ACTL6A: variants seen among roughly 807,000 people sequenced by gnomAD.
ACTL6A encodes actin-like protein 6A.
A neutral mutation model predicts 59.2 loss-of-function variants in ACTL6A; 5 were observed. The ratio of observed to expected loss-of-function variants is 0.08; its 90% CI spans 0.04 to 0.18. The LOEUF (loss-of-function observed/expected upper bound fraction) is 0.18, where lower values mean the gene tolerates loss of function less well. ACTL6A is among the 10% of genes least tolerant of loss of function. ACTL6A has a pLI of 1.00. For synonymous variants in ACTL6A, 154 were observed against 171.8 expected (o/e 0.90, Z 0.81); for missense variants, 285 against 526.9 (o/e 0.54, Z 4.49).
At chr3:179,566,857 T>C (rs1560009234) in intron 1 of ACTL6A, among the ~76,000 whole-genome samples, 1 of 152,098 alleles carries the variant, frequency 6.6e-6, no homozygotes, top group East Asian at 1.9e-4. Flanking sequence ...GCCCGGCTAA[T>C]TTTTTGTATT....
intron 1 of ACTL6A, among the ~76,000 whole-genome samples, chr3:179,565,496 T>G (rs1717808399): frequency 6.7e-6 from 1 of 149,718 alleles, no homozygotes; most frequent in African/African-American, 2.4e-5. Flanking sequence ...ATATGTTATA[T>G]ATGTCCTATA....
At chr3:179,575,418 A>C (rs760708018) in intron 5 of ACTL6A, 7 of 456,542 alleles carry the variant, frequency 1.5e-5, no homozygotes. Flanking sequence ...TTCATCATCT[A>C]CTTCACTAAA....
chr3:179,576,923 C>T lies in ACTL6A; in HGVS notation c.768+10C>T. 6.3e-7 allele frequency: 1 copy of T among 1,598,350 alleles called. No homozygotes were observed. The highest frequency in any genetic ancestry group is 8.5e-7 in the Non-Finnish European group (1 of 1,172,860). The stretch of plus-strand genomic sequence containing the variant: ...CAATTATATGTGTAATGTAAGTAAC[C>T]CTCATTCTCTTTACAAAAATGTTAC... On this transcript the variant is annotated intron_variant, in intron 8 of 13. Coordinates refer to ENST00000429709, the MANE Select transcript of ACTL6A (RefSeq NM_004301.5).
At chr3:179,576,516 A>G in intron 6 of ACTL6A, 104 bp from the exon 7 acceptor site, 1 of 945,180 alleles carries the variant, frequency 1.1e-6, no homozygotes, top group East Asian at 2.4e-5. Context: ...AGTTCAGTTC[A>G]TTCTACCTGA....
intron 8 of ACTL6A, among the ~76,000 whole-genome samples, chr3:179,577,463 T>C (rs1576854516): frequency 1.3e-5 from 2 of 151,962 alleles, no homozygotes; most frequent in Non-Finnish European, 2.9e-5. Context: ...ATGCCACAGA[T>C]ACGCCTTAAT....
At chr3:179,567,937 G>A (rs12696481) in intron 1 of ACTL6A, among the ~76,000 whole-genome samples, 65,586 of 151,954 alleles carry the variant, frequency 0.43, 16,594 homozygotes, top group East Asian at 0.64. Flanking sequence ...ACTTTGAGAG[G>A]CCAAGGCGGG....
At chr3:179,571,968 T>C (rs1718022579) in intron 3 of ACTL6A, among the ~76,000 whole-genome samples, 1 of 134,064 alleles carries the variant, frequency 7.5e-6, no homozygotes, top group Non-Finnish European at 1.6e-5. Flanking sequence ...TTTCTCAGGC[T>C]TGCAGTGTTA....
At chr3:179,563,321 C>T (rs1039619215) in intron 1 of ACTL6A, among the ~76,000 whole-genome samples, 1 of 149,042 alleles carries the variant, frequency 6.7e-6, no homozygotes, top group Non-Finnish European at 1.5e-5. Context: ...CCTGAAGTGG[C>T]GGCTCTCTGT....
At position 179,563,060 on chromosome 3, in the gene ACTL6A, G is replaced by A; in HGVS notation, c.-33G>A. The A allele has an allele frequency of 6.2e-7, 1 of 1,609,692 alleles. No individual in the cohort carries two copies. Among genetic ancestry groups the A allele is most frequent in the Non-Finnish European group, 8.5e-7 (1 of 1,179,338 alleles). ...GCCACTGCAGTCACTTCGCCAGTTA[G>A]CCCTTAGGGTAGGAGTCGCGCCGGC... On this transcript the variant is annotated 5_prime_UTR_variant, in exon 1 of 14. Transcript: ENST00000429709.
In ACTL6A at chr3:179,563,080, G is replaced by T; in HGVS notation, c.-13G>T. 6.2e-7 allele frequency: 1 copy of T among 1,611,228 alleles called. No individual in the cohort carries two copies. On this transcript the variant is annotated 5_prime_UTR_variant, in exon 1 of 14. Coordinates refer to ENST00000429709, the MANE Select transcript of ACTL6A (RefSeq NM_004301.5). ...AGTTAGCCCTTAGGGTAGGAGTCGC[G>T]CCGGCAGCAGCCATGAGCGGCGGCG...
At position 179,580,958 on chromosome 3, in the gene ACTL6A, G is replaced by A; in HGVS notation, c.895G>A (p.Ala299Thr). The A allele has an allele frequency of 6.3e-7, 1 of 1,586,194 alleles. No homozygotes were observed. The highest frequency in any genetic ancestry group is 8.5e-7 in the Non-Finnish European group (1 of 1,173,706). ...CAATGGCTACAATTGTGATTTTGGT[G>A]CAGAGCGGCTAAAGATTCCAGAAGG... ...FPNGYNCDFGAERLKIPEGLF... is the reference protein window; with the variant it reads ...FPNGYNCDFGTERLKIPEGLF... Residue 299 changes from alanine to threonine, a missense_variant, in exon 10 of 14, where the codon GCA (alanine) becomes ACA (threonine). Physicochemically the swap from Ala to Thr is moderately conservative, Grantham distance 58 (BLOSUM62 0). Coordinates refer to ENST00000429709, the MANE Select transcript of ACTL6A (RefSeq NM_004301.5).
chr3:179,571,164 A>T (rs1157998839), intron 3 of ACTL6A, among the ~76,000 whole-genome samples: 1 of 152,128 alleles, frequency 6.6e-6, no homozygotes, highest in East Asian at 1.9e-4. Context: ...CGCCTATATA[A>T]TCCCAGCACT....
intron 1 of ACTL6A, among the ~76,000 whole-genome samples, chr3:179,567,492 C>T (rs1266722226): frequency 6.6e-6 from 1 of 152,218 alleles, no homozygotes. Context: ...CAGTCCACAA[C>T]ACTGTCATAA....
rs1330517115 is a variant in ACTL6A at position 179,570,259 on chromosome 3, T to C, written c.277+18T>C. 3.1e-6 allele frequency: 5 copies of C among 1,602,570 alleles called. No individual in the cohort carries two copies. The African/African-American group carries it at 4.0e-5, about 13-fold the overall frequency. On this transcript the variant is annotated intron_variant, in intron 3 of 13. Transcript: ENST00000429709. This position sits in a 1 kb window ranked among gnomAD's most constrained non-coding sequence, Gnocchi z 4.3. ...TGGGATGGGTATGATGTTTTCCCCA[T>C]GGAATTGATTATGGAGTGTACATGT...
Position 179,576,821 on chromosome 3 carries a change from C to G in ACTL6A, c.679-3C>G. On this transcript the variant is annotated splice_region_variant and splice_polypyrimidine_tract_variant and intron_variant, in intron 7 of 13. Coordinates refer to ENST00000429709, the MANE Select transcript of ACTL6A (RefSeq NM_004301.5). ...TTAACCTAGCATCTCTTGGTACTCT[C>G]AGGAAGCTGTTCGTGAAGGATCTCC... 10 of 1,613,942 alleles carry G rather than the reference C, an allele frequency of 6.2e-6. No individual in the cohort carries two copies. Among genetic ancestry groups the G allele is most frequent in the Non-Finnish European group, 6.8e-6 (8 of 1,179,904 alleles).
At chr3:179,564,456 A>G (rs1717770091) in intron 1 of ACTL6A, among the ~76,000 whole-genome samples, 1 of 152,206 alleles carries the variant, frequency 6.6e-6, no homozygotes, top group Non-Finnish European at 1.5e-5. Context: ...TTTATAGACT[A>G]GAAATTGCAT....
intron 12 of ACTL6A, among the ~76,000 whole-genome samples, chr3:179,585,649 C>T (rs4475040): frequency 0.092 from 13,954 of 152,170 alleles, 689 homozygotes; most frequent in South Asian, 0.17. Flanking sequence ...ACCCTTGCTG[C>T]ACACATACTT....
At chr3:179,565,022 G>A (rs1201895482) in intron 1 of ACTL6A, among the ~76,000 whole-genome samples, 2 of 151,954 alleles carry the variant, frequency 1.3e-5, no homozygotes, top group Non-Finnish European at 2.9e-5. Context: ...AACAGTGCTG[G>A]CGTGGCAGAG....
intron 8 of ACTL6A, among the ~76,000 whole-genome samples, chr3:179,577,940 A>G (rs2108364515): frequency 6.6e-6 from 1 of 152,080 alleles, no homozygotes; most frequent in East Asian, 1.9e-4. Flanking sequence ...ATAGTGGTGC[A>G]GTGTACATAC....
Sources: allele counts gnomAD v4.1 joint callset (sites outside exome capture counted in the v4.1 genomes callset), GRCh38; gene constraint gnomAD v4.1.1; non-coding constraint Gnocchi (gnomAD v3.1); transcripts MANE v1.5; gene names NCBI Gene and HGNC (gene_info 2026-07-23, HGNC 2026-07-21).